The following SGTA variants were observed in gnomAD, a reference collection of about 807,000 sequenced individuals.
SGTA encodes the protein small glutamine-rich tetratricopeptide repeat-containing protein alpha.
SGTA carries 22 observed loss-of-function variants against 44.3 expected under a neutral mutation model. The ratio of observed to expected loss-of-function variants is 0.50; its 90% CI spans 0.36 to 0.71. SGTA has a LOEUF of 0.71. Ranked by LOEUF, SGTA falls within the 30% of genes least tolerant of loss-of-function variation. The pLI, the probability that SGTA is intolerant of heterozygous loss-of-function variation, is 0.00. For synonymous variants in SGTA, 174 were observed against 177.6 expected (o/e 0.98, Z 0.16); for missense variants, 341 against 435.9 (o/e 0.78, Z 1.94).
intron 9 of SGTA, among the ~76,000 whole-genome samples, chr19:2,758,229 C>CTT (rs1914882968): frequency 1.3e-5 from 2 of 152,308 alleles, no homozygotes; most frequent in South Asian, 4.1e-4. Context: ...GGAAACCATG[C>CTT]TTTAAGATTT....
Position 2,754,995 on chromosome 19 carries a change from C to T in SGTA, c.*945G>A, listed in dbSNP as rs150319816. Reference sequence around the variant, plus strand: ...ACAGGCTGCCTGCTGTCCGGCTCTCCGGCTGCTTTCCTGGTGGCTGTTTTA... The same window carrying T: ...ACAGGCTGCCTGCTGTCCGGCTCTCTGGCTGCTTTCCTGGTGGCTGTTTTA... On this transcript the variant is annotated 3_prime_UTR_variant, in exon 12 of 12. Coordinates refer to ENST00000221566, the MANE Select transcript of SGTA (RefSeq NM_003021.4). The surrounding 1 kb of genome is among the most constrained non-coding windows in gnomAD (Gnocchi z 4.4). 1,772 of 152,342 alleles carry T rather than the reference C, an allele frequency of 0.012. 17 individuals are homozygous for T. The highest frequency in any genetic ancestry group is 0.019 in the Non-Finnish European group (1,273 of 68,072). 9.4% of individuals were successfully genotyped at this position (152,342 alleles called of 1,614,324 possible).
intron 1 of SGTA, among the ~76,000 whole-genome samples, chr19:2,778,501 C>CA (rs893774678): frequency 7.9e-5 from 12 of 152,018 alleles, no homozygotes; most frequent in African/African-American, 2.9e-4. Flanking sequence ...AACACCGCCC[C>CA]CCCCGGCCCC....
chr19:2,781,012 G>C (rs921279195), intron 1 of SGTA, among the ~76,000 whole-genome samples: 1 of 152,198 alleles, frequency 6.6e-6, no homozygotes, highest in African/African-American at 2.4e-5. Context: ...GAGCCTGGGA[G>C]GTCGAGGCTG....
In SGTA at chr19:2,776,357, C is replaced by A. The variant is rs116765638; in HGVS notation, c.-24+6876G>T. ...AATGTGGCCTAGCCACACGACGGAA[C>A]GCTACGCAGCCATGAAAAGGAAATC... On this transcript the variant is annotated intron_variant, in intron 1 of 11. Transcript: ENST00000221566. Among the ~76,000 whole-genome samples the A allele has an allele frequency of 7.2e-5, 11 of 152,362 alleles. 1 individual carries two copies. In the East Asian group the frequency reaches 2.1e-3, roughly 29 times the overall value.
intron 1 of SGTA, among the ~76,000 whole-genome samples, chr19:2,778,248 C>G (rs897622047): frequency 6.6e-6 from 1 of 152,074 alleles, no homozygotes; most frequent in East Asian, 1.9e-4. Context: ...GGGGGATGTG[C>G]GTTCCTTCGC....
intron 11 of SGTA, among the ~76,000 whole-genome samples, 185 bp downstream of exon 11, chr19:2,757,152 G>A (rs1285492361): frequency 2.6e-5 from 4 of 152,190 alleles, no homozygotes; most frequent in Admixed American, 6.5e-5. Flanking sequence ...GCCCAGAGAT[G>A]CCCCCACCTG....
At chr19:2,768,623 T>C (rs1599502859) in intron 2 of SGTA, among the ~76,000 whole-genome samples, 1 of 152,312 alleles carries the variant, frequency 6.6e-6, no homozygotes, top group African/African-American at 2.4e-5. Context: ...GGAGAGCTTT[T>C]TCCCCGTGAC....
At chr19:2,771,422 CAAAA>C (rs796104240) in intron 1 of SGTA, among the ~76,000 whole-genome samples, 1 of 144,704 alleles carries the variant, frequency 6.9e-6, no homozygotes, top group Non-Finnish European at 1.5e-5. Flanking sequence ...GACTCCATGT[CAAAA>C]AAAAAAAATC....
rs750900513 is a variant in SGTA, at chr19:2,765,242, A to T, written c.336T>A (p.His112Gln). 5 of 1,614,098 alleles carry T rather than the reference A, an allele frequency of 3.1e-6. No homozygotes were observed. The South Asian group carries it at 5.5e-5, about 18-fold the overall frequency. ...TGAGCTCGATGGCTTTTCCGTAGAA[A>T]TGCACGGCAGCTTCAAAGTTTTCCA... is the stretch of plus-strand genomic sequence containing the variant. The part of the protein sequence containing the change: ...MKVENFEAAV[H>Q]FYGKAIELNP... Residue 112 changes from histidine (H) to glutamine (Q), a missense_variant, in exon 5 of 12, where the codon CAT (histidine) becomes CAA (glutamine). Coordinates refer to ENST00000221566, the MANE Select transcript of SGTA (RefSeq NM_003021.4). This position sits in a 1 kb window ranked among gnomAD's most constrained non-coding sequence, Gnocchi z 5.5.
chr19:2,773,697 C>T (rs1230421882), intron 1 of SGTA, among the ~76,000 whole-genome samples: 2 of 45,338 alleles, frequency 4.4e-5, no homozygotes, highest in Non-Finnish European at 6.8e-5. Flanking sequence ...GCAGGGACAC[C>T]GAGGGCAGAG....
In SGTA at chr19:2,754,765, T is replaced by TG. The variant is rs1207254789; in HGVS notation, c.*1174dup. Reference sequence around the variant, plus strand: ...CACACGTCACGCCCTGCACCCCGGGTGGGCTTGGCACACACCTCACCGCCA... The same window carrying TG: ...CACACGTCACGCCCTGCACCCCGGGTGGGGCTTGGCACACACCTCACCGCCA... On this transcript the variant is annotated 3_prime_UTR_variant, in exon 12 of 12. Transcript: ENST00000221566. This position sits in a 1 kb window ranked among gnomAD's most constrained non-coding sequence, Gnocchi z 4.4. 1 of 152,106 alleles carries TG rather than the reference T, an allele frequency of 6.6e-6. No homozygotes were observed. Among genetic ancestry groups the TG allele is most frequent in the African/African-American group, 2.4e-5 (1 of 41,374 alleles). 9.4% of individuals were successfully genotyped at this position (152,106 alleles called of 1,614,324 possible). A position where few individuals can be genotyped will look rare whatever the true frequency, so the allele number is the denominator to read the frequency against.
rs145064418 is a variant in SGTA at position 2,765,206 on chromosome 19, G to A, written c.372C>T (p.Asn124=). The A allele has an allele frequency of 8.1e-5, 130 of 1,614,006 alleles. No individual in the cohort carries two copies. Among genetic ancestry groups the A allele is most frequent in the Non-Finnish European group, 1.0e-4 (118 of 1,179,922 alleles). The change falls in exon 5 of 12, where the codon AAC becomes AAT. Residue 124 remains asparagine, a synonymous_variant. Transcript: ENST00000221566. This position sits in a 1 kb window ranked among gnomAD's most constrained non-coding sequence, Gnocchi z 5.5. ...GGTACCTGTTGCAGAAATAGACGGC[G>A]TTGGCTGGGTTGAGCTCGATGGCTT... ...YGKAIELNPA[N]AVYFCNRAAA...
Position 2,755,544 on chromosome 19 carries a change from G to A in SGTA, c.*396C>T, listed in dbSNP as rs1050263585. 2 of 986,058 alleles carry A rather than the reference G, an allele frequency of 2.0e-6. No homozygotes were observed. The highest frequency in any genetic ancestry group is 2.4e-6 in the Non-Finnish European group (2 of 830,140). 61.1% of individuals were successfully genotyped at this position (986,058 alleles called of 1,614,324 possible). A position where few individuals can be genotyped will look rare whatever the true frequency, so the allele number is the denominator to read the frequency against. On this transcript the variant is annotated 3_prime_UTR_variant, in exon 12 of 12. Coordinates refer to ENST00000221566, the MANE Select transcript of SGTA (RefSeq NM_003021.4). This position sits in a 1 kb window ranked among gnomAD's most constrained non-coding sequence, Gnocchi z 5.2. The stretch of plus-strand genomic sequence containing the variant: ...GTTCCTGCAGACAGACCACGGGATG[G>A]GGGGCGGGGGCTGTAAAAGGCTTTG...
Position 2,757,736 on chromosome 19 carries a change from C to T in SGTA, c.784G>A (p.Gly262Ser), listed in dbSNP as rs373418482. Residue 262 changes from glycine (G) to serine (S), a missense_variant, in exon 10 of 12, where the codon GGC (glycine) becomes AGC (serine). By Grantham distance (56) the Gly-to-Ser change is moderately conservative. Coordinates refer to ENST00000221566, the MANE Select transcript of SGTA (RefSeq NM_003021.4). ...SGGNNPLGTP[G>S]TSPSQNDLAS... The stretch of plus-strand genomic sequence containing the variant: ...AGGTCGTTCTGCGAGGGGCTGGTGC[C>T]GGGAGTTCCCAAGGGGTTGTTGCCA... The T allele has an allele frequency of 4.2e-5, 67 of 1,603,958 alleles. No homozygotes were observed. The highest frequency in any genetic ancestry group is 5.2e-5 in the Non-Finnish European group (61 of 1,175,874).
At position 2,767,610 on chromosome 19, in the gene SGTA, C is replaced by T. The variant is rs753600744; in HGVS notation, c.177G>A (p.Pro59=). The change falls in exon 3 of 12, where the codon CCG becomes CCA. Residue 59 remains proline (P), a synonymous_variant. Transcript: ENST00000221566. The surrounding 1 kb of genome is among the most constrained non-coding windows in gnomAD (Gnocchi z 7.3). ...DSDLALPQTL[P]EIFEAAATGK... ...CCGTGGCAGCCGCTTCAAATATCTC[C>T]GGCAGAGTCTGAGGGAGCGCAAGGT... 1.9e-5 allele frequency: 31 copies of T among 1,613,398 alleles called. No individual in the cohort carries two copies. Among genetic ancestry groups the T allele is most frequent in the East Asian group, 8.9e-5 (4 of 44,894 alleles).
Position 2,765,940 on chromosome 19 carries a change from C to T in SGTA, c.293-655G>A, listed in dbSNP as rs899196662. Among the ~76,000 whole-genome samples, 3 of 152,168 alleles carry T rather than the reference C, an allele frequency of 2.0e-5. No individual in the cohort carries two copies. The highest frequency in any genetic ancestry group is 2.1e-4 in the South Asian group (1 of 4,828). ...AGCTTACGCTTTAAAAATATAAGCCCGGGCGCGGTGGCTCATGCTTATAAT... is the reference window on the plus strand; with the variant it reads ...AGCTTACGCTTTAAAAATATAAGCCTGGGCGCGGTGGCTCATGCTTATAAT... On this transcript the variant is annotated intron_variant, in intron 4 of 11. Coordinates refer to ENST00000221566, the MANE Select transcript of SGTA (RefSeq NM_003021.4). The surrounding 1 kb of genome is among the most constrained non-coding windows in gnomAD (Gnocchi z 5.5).
chr19:2,772,875 A>T (rs376408914), intron 1 of SGTA, among the ~76,000 whole-genome samples: 76 of 88,226 alleles, frequency 8.6e-4, no homozygotes, highest in African/African-American at 4.4e-3. Flanking sequence ...GGGCAGGGAC[A>T]CCGAGGGCAG....
At chr19:2,774,368 C>A (rs143117727) in intron 1 of SGTA, among the ~76,000 whole-genome samples, 2 of 152,302 alleles carry the variant, frequency 1.3e-5, no homozygotes, top group East Asian at 3.9e-4. Flanking sequence ...GGCCGAGGGA[C>A]ACGGAGGGAG....
rs535354829 is a variant in SGTA, at chr19:2,755,340, C to T, written c.*600G>A. 6 of 938,668 alleles carry T rather than the reference C, an allele frequency of 6.4e-6. No individual in the cohort carries two copies. The highest frequency in any genetic ancestry group is 2.3e-4 in the East Asian group (2 of 8,580). 58.1% of individuals were successfully genotyped at this position (938,668 alleles called of 1,614,324 possible). A position where few individuals can be genotyped will look rare whatever the true frequency, so the allele number is the denominator to read the frequency against. On this transcript the variant is annotated 3_prime_UTR_variant, in exon 12 of 12. Coordinates refer to ENST00000221566, the MANE Select transcript of SGTA (RefSeq NM_003021.4). This position sits in a 1 kb window ranked among gnomAD's most constrained non-coding sequence, Gnocchi z 5.2. The stretch of plus-strand genomic sequence containing the variant: ...TATGCACCCAGGACGGCTCCTGAGC[C>T]GCGGAGGCGTGGGGTGACCGCAGCC...
Sources: allele counts gnomAD v4.1 joint callset (sites outside exome capture counted in the v4.1 genomes callset), GRCh38; gene constraint gnomAD v4.1.1; non-coding constraint Gnocchi (gnomAD v3.1); transcripts MANE v1.5; gene names NCBI Gene and HGNC (gene_info 2026-07-23, HGNC 2026-07-21).